The following PDCD7 variants were observed in gnomAD, a reference collection of about 807,000 sequenced individuals.
The protein encoded by PDCD7 is programmed cell death protein 7.
A neutral mutation model predicts 42.1 loss-of-function variants in PDCD7; 40 were observed. That is an observed-to-expected ratio of 0.95 (90% CI 0.74 to 1.24). PDCD7 has a LOEUF of 1.24. Among genes scored for constraint, PDCD7 ranks in the 50% most tolerant of loss-of-function variants. The pLI is 0.00. For missense variants in PDCD7, 644 were observed against 662.8 expected (o/e 0.97, Z 0.31); for synonymous variants, 299 against 303.3 (o/e 0.99, Z 0.15).
At chr15:65,122,063 G>A (rs773929199) in intron 2 of PDCD7, among the ~76,000 whole-genome samples, 1 of 152,164 alleles carries the variant, frequency 6.6e-6, no homozygotes, top group Non-Finnish European at 1.5e-5. Context: ...GGCCAAGCGT[G>A]GTGGCTCACA....
chr15:65,123,643 A>C (rs1404831655), intron 2 of PDCD7, among the ~76,000 whole-genome samples: 2 of 152,170 alleles, frequency 1.3e-5, no homozygotes, highest in Non-Finnish European at 2.9e-5. Context: ...TGGAGGTAGG[A>C]TTCTTTCCTC....
chr15:65,133,420 C>G lies in PDCD7; in HGVS notation c.362G>C (p.Arg121Pro). 1 of 1,183,470 alleles carries G rather than the reference C, an allele frequency of 8.4e-7. No homozygotes were observed. Among genetic ancestry groups the G allele is most frequent in the Non-Finnish European group, 1.0e-6 (1 of 957,388 alleles). The allele number at this position is 1,183,470 out of a possible 1,614,324, so 73.3% of individuals were successfully genotyped here. Residue 121 changes from arginine to proline, a missense_variant, in exon 1 of 5, where the codon CGG (arginine) becomes CCG (proline). By Grantham distance (103) the Arg-to-Pro change is moderately radical. Transcript: ENST00000204549. ...PPGPGPPWSP[R>P]WPEAPPPPAD... Reference sequence around the variant, plus strand: ...CGGCGGCGGCGGCGCCTCAGGCCACCGCGGGCTCCAGGGCGGCCCCGGGCC... The same window carrying G: ...CGGCGGCGGCGGCGCCTCAGGCCACGGCGGGCTCCAGGGCGGCCCCGGGCC...
chr15:65,129,584 A>G (rs1178184292), intron 1 of PDCD7, among the ~76,000 whole-genome samples: 1 of 152,198 alleles, frequency 6.6e-6, no homozygotes, highest in Non-Finnish European at 1.5e-5. Flanking sequence ...ACCTCTACAA[A>G]GGTCTCTTAG....
At chr15:65,120,559 T>A (rs1167592002) in intron 2 of PDCD7, among the ~76,000 whole-genome samples, 5 of 152,082 alleles carry the variant, frequency 3.3e-5, no homozygotes, top group Admixed American at 3.3e-4. Context: ...ATACAAAAAA[T>A]TAGCCAGGCA....
chr15:65,117,700 TA>T lies in PDCD7; in HGVS notation c.*1016del, dbSNP rs1228475219. The T allele has an allele frequency of 2.0e-5, 3 of 152,106 alleles. No individual in the cohort carries two copies. Among genetic ancestry groups the T allele is most frequent in the Non-Finnish European group, 4.4e-5 (3 of 68,056 alleles). The allele number at this position is 152,106 out of a possible 1,614,324, so 9.4% of individuals were successfully genotyped here. A position where few individuals can be genotyped will look rare whatever the true frequency, so the allele number is the denominator to read the frequency against. ...GTGTGCACCACCTACGCCCAGCTAA[TA>T]TTTTTTTGTATTTTTAGTAGAGACA... On this transcript the variant is annotated 3_prime_UTR_variant, in exon 5 of 5. Coordinates refer to ENST00000204549, the MANE Select transcript of PDCD7 (RefSeq NM_005707.2).
rs1040124991 is a variant in PDCD7, at chr15:65,133,069, C to T, written c.713G>A (p.Arg238Lys). The T allele has an allele frequency of 1.3e-5, 21 of 1,578,404 alleles. No individual in the cohort carries two copies. Among genetic ancestry groups the T allele is most frequent in the Admixed American group, 8.8e-5 (5 of 56,922 alleles). Residue 238 changes from arginine (R) to lysine (K), a missense_variant, in exon 1 of 5, where the codon AGG becomes AAG. Coordinates refer to ENST00000204549, the MANE Select transcript of PDCD7 (RefSeq NM_005707.2). ...CCGGCGGCGCCGGACCCTCTCCAGC[C>T]TCCTCCGCGCCTCGCCCACATAGGC... ...QAAYVGEARRRLERVRRRRLR... is the reference protein window; with the variant it reads ...QAAYVGEARRKLERVRRRRLR...
chr15:65,132,886 C>G (rs2087552749), intron 1 of PDCD7, 26 bp downstream of exon 1: 1 of 1,600,166 alleles, frequency 6.2e-7, no homozygotes, highest in Admixed American at 1.7e-5. Context: ...ACCACTCCTA[C>G]CCCCATGAGC....
chr15:65,132,777 T>C, intron 1 of PDCD7, 135 bp downstream of exon 1: 1 of 1,319,456 alleles, frequency 7.6e-7, no homozygotes, highest in Non-Finnish European at 1.0e-6. Context: ...TGGTATGAGC[T>C]GGGAAGGTTA....
Position 65,126,551 on chromosome 15 carries a change from C to G in PDCD7, c.1009+2481G>C, listed in dbSNP as rs1251217984. 3.9e-5 allele frequency among the ~76,000 whole-genome samples: 6 copies of G among 151,916 alleles called. No individual in the cohort carries two copies. In the South Asian group the frequency reaches 1.0e-3, roughly 26 times the overall value. ...GGAGAATCGCTTGAGCCCAGGAGTTCGAGACCAGCTTGGGCAACATGGCGA... is the reference window on the plus strand; with the variant it reads ...GGAGAATCGCTTGAGCCCAGGAGTTGGAGACCAGCTTGGGCAACATGGCGA... On this transcript the variant is annotated intron_variant, in intron 2 of 4. Transcript: ENST00000204549.
chr15:65,118,849 G>T lies in PDCD7; in HGVS notation c.1335-9C>A. 6.5e-7 allele frequency: 1 copy of T among 1,537,858 alleles called. No homozygotes were observed. The highest frequency in any genetic ancestry group is 8.8e-7 in the Non-Finnish European group (1 of 1,141,908). On this transcript the variant is annotated splice_polypyrimidine_tract_variant and intron_variant, in intron 4 of 4. Coordinates refer to ENST00000204549, the MANE Select transcript of PDCD7 (RefSeq NM_005707.2). ...ACTGATCCCAATCATGCCTTAATAA[G>T]AACATTATAGAACAACTATTTATTT...
intron 2 of PDCD7, among the ~76,000 whole-genome samples, chr15:65,126,054 C>A (rs907893832): frequency 5.9e-5 from 9 of 152,078 alleles, no homozygotes; most frequent in Admixed American, 2.0e-4. Flanking sequence ...TTACCTCCCA[C>A]CAAGTCCCTC....
intron 2 of PDCD7, among the ~76,000 whole-genome samples, chr15:65,128,056 A>C (rs564895928): frequency 2.0e-5 from 3 of 152,358 alleles, no homozygotes; most frequent in South Asian, 2.1e-4. Context: ...AGCCTGGGTG[A>C]ATACAAAATG....
intron 2 of PDCD7, among the ~76,000 whole-genome samples, chr15:65,124,379 T>C (rs2087479921): frequency 6.6e-6 from 1 of 151,028 alleles, no homozygotes; most frequent in Non-Finnish European, 1.5e-5. Context: ...GAGCCGAGAT[T>C]GCACCACTGC....
chr15:65,123,299 T>C (rs933452232), intron 2 of PDCD7, among the ~76,000 whole-genome samples: 20 of 152,328 alleles, frequency 1.3e-4, no homozygotes, highest in African/African-American at 4.8e-4. Flanking sequence ...GCGATTCTCC[T>C]GCCTCAGCCT....
At chr15:65,129,812 C>T (rs1217830180) in intron 1 of PDCD7, among the ~76,000 whole-genome samples, 1 of 151,988 alleles carries the variant, frequency 6.6e-6, no homozygotes, top group Non-Finnish European at 1.5e-5. Flanking sequence ...TATTCCTACT[C>T]AGGAGGCTAA....
chr15:65,119,615 G>T, intron 3 of PDCD7, 103 bp downstream of exon 3: 2 of 1,280,180 alleles, frequency 1.6e-6, no homozygotes, highest in Non-Finnish European at 2.2e-6. Flanking sequence ...GCATCTGGAA[G>T]GTGTCATTTG....
intron 2 of PDCD7, 46 bp from the exon 3 acceptor site, chr15:65,120,000 A>C: frequency 6.5e-7 from 1 of 1,549,916 alleles, no homozygotes; most frequent in Non-Finnish European, 8.7e-7. Flanking sequence ...TTTTTTTTTG[A>C]GACAAGGCCT....
intron 1 of PDCD7, among the ~76,000 whole-genome samples, chr15:65,131,116 C>T (rs1359692473): frequency 2.0e-5 from 3 of 152,180 alleles, no homozygotes; most frequent in Non-Finnish European, 2.9e-5. Flanking sequence ...TCTCCATTTA[C>T]AGCCACTCCC....
rs1418640408 is a variant in PDCD7, at chr15:65,119,967, G to C, written c.1010-13C>G. The C allele has an allele frequency of 1.9e-6, 3 of 1,587,374 alleles. No homozygotes were observed. The highest frequency in any genetic ancestry group is 2.6e-6 in the Non-Finnish European group (3 of 1,172,322). On this transcript the variant is annotated splice_polypyrimidine_tract_variant and intron_variant, in intron 2 of 4. Coordinates refer to ENST00000204549, the MANE Select transcript of PDCD7 (RefSeq NM_005707.2). ...GGAGGACAGACCCCTGGGCAGACAGGACAAAATGGCATTTTATTTATTTTT... is the reference window on the plus strand; with the variant it reads ...GGAGGACAGACCCCTGGGCAGACAGCACAAAATGGCATTTTATTTATTTTT...
Sources: allele counts gnomAD v4.1 joint callset (sites outside exome capture counted in the v4.1 genomes callset), GRCh38; gene constraint gnomAD v4.1.1; transcripts MANE v1.5; gene names NCBI Gene and HGNC (gene_info 2026-07-23, HGNC 2026-07-21).